The following RGP1 variants were observed in gnomAD, a reference collection of about 807,000 sequenced individuals.
RGP1 encodes the protein RGP1 partner of RAB6A GEF complex, also known as RAB6A-GEF complex partner protein 2.
Under a neutral mutation model 44.5 loss-of-function variants are expected in RGP1, and 28 were observed. The observed-to-expected ratio is 0.63, with a 90% confidence interval of 0.47 to 0.86. The LOEUF (loss-of-function observed/expected upper bound fraction) is 0.86. Among genes scored for constraint, RGP1 ranks in the 40% least tolerant of loss-of-function variants. The probability of loss-of-function intolerance (pLI) is 0.00; values close to 1 mark genes in which losing one functional copy is unlikely to be tolerated. For synonymous variants in RGP1, 212 were observed against 196.7 expected, an observed-to-expected ratio of 1.08 and a Z score of -0.65; for missense variants, 417 against 490.7, an observed-to-expected ratio of 0.85 and a Z score of 1.42.
In RGP1 at chr9:35,754,737, G is replaced by A. The variant is rs1827332879; in HGVS notation, c.*1863G>A. On this transcript the variant is annotated 3_prime_UTR_variant, in exon 9 of 9. Coordinates refer to ENST00000378078, the MANE Select transcript of RGP1 (RefSeq NM_001080496.3). ...GGAGAGTGAGCAGGCACCTGGAGTG[G>A]AGACTGTGTTTCCCTCAGATCCTAG... The A allele has an allele frequency of 2.0e-5, 3 of 152,290 alleles. No individual in the cohort carries two copies. In the South Asian group the frequency reaches 6.2e-4, roughly 31 times the overall value. 9.4% of individuals were successfully genotyped at this position (152,290 alleles called of 1,614,324 possible). A position where few individuals can be genotyped will look rare whatever the true frequency, so the allele number is the denominator to read the frequency against.
chr9:35,769,876 G>C, the RGP1 span, among the ~76,000 whole-genome samples: 4 of 152,146 alleles, frequency 2.6e-5, no homozygotes, highest in Non-Finnish European at 5.9e-5. Context: ...GATTGACTTT[G>C]CCAGCACTGC....
At chr9:35,785,008 C>G in the RGP1 span, among the ~76,000 whole-genome samples, 2 of 152,166 alleles carry the variant, frequency 1.3e-5, no homozygotes, top group Non-Finnish European at 2.9e-5. Context: ...CTTTGATTCA[C>G]CTTCACAAGT....
In RGP1 at chr9:35,752,900, C is replaced by T. The variant is rs763816126; in HGVS notation, c.*26C>T. On this transcript the variant is annotated 3_prime_UTR_variant, in exon 9 of 9. Transcript: ENST00000378078. ...AACTGGCCCACCCTGGTGCTAGTTC[C>T]TTCCGGATACTGAGAACTCAGCACC... 6.2e-7 allele frequency: 1 copy of T among 1,604,900 alleles called. No individual in the cohort carries two copies. The highest frequency in any genetic ancestry group is 8.5e-7 in the Non-Finnish European group (1 of 1,174,442).
At chr9:35,764,032 C>T in the RGP1 span, among the ~76,000 whole-genome samples, 4 of 151,230 alleles carry the variant, frequency 2.6e-5, no homozygotes, top group Admixed American at 6.6e-5. Flanking sequence ...GGTGGGAGGA[C>T]GGCTTGAGGC....
Position 35,750,308 on chromosome 9 carries a change from C to T in RGP1, c.182C>T (p.Ala61Val). The T allele has an allele frequency of 6.2e-7, 1 of 1,613,946 alleles. No homozygotes were observed. The highest frequency in any genetic ancestry group is 2.2e-5 in the East Asian group (1 of 44,876). ...TTCCATGCCAGTGAGAGTCGAGTAG[C>T]ACTGCCTCCTCCTGACTCTAGTCAG... ...CQFHASESRV[A>V]LPPPDSSQPD... Residue 61 changes from alanine to valine, a missense_variant, in exon 3 of 9, where the codon GCA (alanine) becomes GTA (valine). Physicochemically the swap from Ala to Val is moderately conservative, Grantham distance 64. Transcript: ENST00000378078.
rs764722217 is a variant in RGP1, at chr9:35,751,413, G to A, written c.634+1G>A. 16 of 1,613,886 alleles carry A rather than the reference G, an allele frequency of 9.9e-6. No individual in the cohort carries two copies. Among genetic ancestry groups the A allele is most frequent in the South Asian group, 2.2e-5 (2 of 91,078 alleles). On this transcript the variant is annotated splice_donor_variant, in intron 6 of 8. Transcript: ENST00000378078. LOFTEE classifies it high-confidence loss of function. ...GCTGCCACATCCTGCCGCAGCCTCC[G>A]TGAGAATTCTTTCAGAATTGTCCTA... is the stretch of plus-strand genomic sequence containing the variant.
chr9:35,779,415 T>G, the RGP1 span, among the ~76,000 whole-genome samples: 2 of 152,218 alleles, frequency 1.3e-5, no homozygotes, highest in East Asian at 3.8e-4. Flanking sequence ...AGACAGTGGA[T>G]TTGTTCAGCT....
the RGP1 span, chr9:35,780,151 C>T: frequency 6.6e-6 from 1 of 152,186 alleles, no homozygotes; most frequent in East Asian, 1.9e-4. Flanking sequence ...TCCTCCCTGC[C>T]CTCCTCCTAG....
chr9:35,777,399 G>T, the RGP1 span, among the ~76,000 whole-genome samples: 1 of 150,674 alleles, frequency 6.6e-6, no homozygotes, highest in Admixed American at 6.6e-5. Flanking sequence ...AAAGTGCTGG[G>T]ATTACAGGCG....
rs1827192737 is a variant in RGP1 at position 35,749,604 on chromosome 9, C to T, written c.-19-133C>T. ...TCGCCTCCCTCCCACCCGCCTACCC[C>T]TCCTATATCCAGGAGCTCCCTCGGG... is the stretch of plus-strand genomic sequence containing the variant. On this transcript the variant is annotated intron_variant, in intron 1 of 8. Transcript: ENST00000378078. The surrounding 1 kb of genome is among the most constrained non-coding windows in gnomAD (Gnocchi z 4.4). 4.3e-6 allele frequency: 3 copies of T among 697,076 alleles called. No homozygotes were observed. The highest frequency in any genetic ancestry group is 1.5e-5 in the South Asian group (1 of 65,584). 43.2% of individuals were successfully genotyped at this position (697,076 alleles called of 1,614,324 possible).
the RGP1 span, among the ~76,000 whole-genome samples, chr9:35,781,687 G>A: frequency 6.6e-6 from 1 of 152,008 alleles, no homozygotes; most frequent in Non-Finnish European, 1.5e-5. Flanking sequence ...CCTGAGTTCT[G>A]CACAGTCTTC....
the RGP1 span, among the ~76,000 whole-genome samples, chr9:35,788,213 A>G: frequency 1.3e-4 from 20 of 152,202 alleles, no homozygotes; most frequent in African/African-American, 4.3e-4. Context: ...CAGCTTGGAA[A>G]CCATAGGAGA....
chr9:35,750,040 A>G (rs1827210130), intron 2 of RGP1, among the ~76,000 whole-genome samples, 169 bp downstream of exon 2: 1 of 152,198 alleles, frequency 6.6e-6, no homozygotes, highest in South Asian at 2.1e-4. Context: ...ACATAGCTGT[A>G]CGCTTTCCTT....
At position 35,754,051 on chromosome 9, in the gene RGP1, G is replaced by A. The variant is rs1280383917; in HGVS notation, c.*1177G>A. 1 of 1,613,892 alleles carries A rather than the reference G, an allele frequency of 6.2e-7. No homozygotes were observed. Among genetic ancestry groups the A allele is most frequent in the South Asian group, 1.1e-5 (1 of 91,082 alleles). ...TAGACTCCTGGGTGCTGGAGGAGTA[G>A]AGACATCACCAAGCAGATGATCCCC... On this transcript the variant is annotated 3_prime_UTR_variant, in exon 9 of 9. Transcript: ENST00000378078.
At chr9:35,765,984 G>A in the RGP1 span, among the ~76,000 whole-genome samples, 4 of 151,194 alleles carry the variant, frequency 2.6e-5, no homozygotes, top group Non-Finnish European at 5.9e-5. Flanking sequence ...ACAGGTACCC[G>A]TCCCCATACC....
the RGP1 span, among the ~76,000 whole-genome samples, chr9:35,768,103 ATT>A: frequency 2.2e-5 from 3 of 135,618 alleles, no homozygotes; most frequent in East Asian, 2.1e-4. Flanking sequence ...GCCTGGCCAG[ATT>A]TTTTTTTTTT....
the RGP1 span, among the ~76,000 whole-genome samples, chr9:35,776,591 A>G: frequency 6.6e-6 from 1 of 151,762 alleles, no homozygotes; most frequent in Non-Finnish European, 1.5e-5. Flanking sequence ...CTGGCCCCCT[A>G]TTCTCATCTA....
the RGP1 span, among the ~76,000 whole-genome samples, chr9:35,783,742 G>A: frequency 1.3e-5 from 2 of 152,318 alleles, no homozygotes; most frequent in Admixed American, 1.3e-4. Context: ...GAATAGAGCT[G>A]CAATAAACAT....
rs770402260 is a variant in RGP1, at chr9:35,750,248, C to G, written c.122C>G (p.Ala41Gly). ...PPTATSASSE[A>G]LAWASAQIHC... ...TCCTTTTCCTTTTCCCACAGTGAGGCCCTGGCCTGGGCCAGTGCCCAAATC... is the reference window on the plus strand; with the variant it reads ...TCCTTTTCCTTTTCCCACAGTGAGGGCCTGGCCTGGGCCAGTGCCCAAATC... Residue 41 changes from alanine (A) to glycine (G), a missense_variant, in exon 3 of 9, where the codon GCC (alanine) becomes GGC (glycine). Physicochemically the swap from Ala to Gly is moderately conservative, Grantham distance 60. Transcript: ENST00000378078. 4.0e-5 allele frequency: 65 copies of G among 1,613,390 alleles called. 1 individual carries two copies. Among genetic ancestry groups the G allele is most frequent in the South Asian group, 1.5e-4 (14 of 91,052 alleles).
Sources: gnomAD v4.1 joint callset for allele counts (sites outside exome capture counted in the v4.1 genomes callset) on GRCh38, gnomAD v4.1.1 for gene constraint, Gnocchi (gnomAD v3.1) non-coding constraint, MANE v1.5 for transcripts, NCBI Gene and HGNC (gene_info 2026-07-23, HGNC 2026-07-21) for gene names.